Variants in GFM2 observed in about 807,000 individuals in gnomAD.
GFM2 encodes the protein GTP dependent ribosome recycling factor mitochondrial 2.
Under a neutral mutation model 95.4 loss-of-function variants are expected in GFM2, and 72 were observed. The observed-to-expected ratio is 0.76, with a 90% CI of 0.62 to 0.92. The LOEUF is 0.92. Among genes scored for constraint, GFM2 ranks in the 40% least tolerant of loss-of-function variants. The pLI is 0.00. For missense variants in GFM2, 825 were observed against 924.1 expected, an observed-to-expected ratio of 0.89 and a Z score of 1.39; for synonymous variants, 276 against 317.5, an observed-to-expected ratio of 0.87 and a Z score of 1.39.
intron 5 of GFM2, among the ~76,000 whole-genome samples, chr5:74,752,231 G>A (rs1743754168): frequency 6.6e-6 from 1 of 152,100 alleles, no homozygotes; most frequent in South Asian, 2.1e-4. Context: ...AAATTATTGT[G>A]CAGTAAAATT....
chr5:74,746,726 T>A (rs1414631566), intron 8 of GFM2, among the ~76,000 whole-genome samples: 1 of 152,164 alleles, frequency 6.6e-6, no homozygotes, highest in African/African-American at 2.4e-5. Context: ...CCCATTGTTT[T>A]TCAGAACCAG....
intron 5 of GFM2, among the ~76,000 whole-genome samples, chr5:74,754,997 G>A (rs1051886035): frequency 1.3e-5 from 2 of 152,160 alleles, no homozygotes; most frequent in African/African-American, 4.8e-5. Context: ...TTGGGAGGCT[G>A]AGGTAGGGGA....
rs200078752 is a variant in GFM2, at chr5:74,728,759, T to C, written c.1726+1501A>G. Among the ~76,000 whole-genome samples the C allele has an allele frequency of 3.5e-3, 382 of 108,822 alleles. 10 individuals carry two copies. The East Asian group carries it at 0.075, about 21-fold the overall frequency. 71.4% of individuals were successfully genotyped at this position (108,822 alleles called of 152,430 possible). On this transcript the variant is annotated intron_variant, in intron 17 of 20. Coordinates refer to ENST00000296805, the MANE Select transcript of GFM2 (RefSeq NM_032380.5). ...ATGTGTGGGGGTTTCTTTTTTTTTT[T>C]TTTTTTTTTTTTTTTGAGATGGCGT...
At chr5:74,722,183 G>A in intron 20 of GFM2, 196 bp downstream of exon 20, 1 of 583,924 alleles carries the variant, frequency 1.7e-6, no homozygotes, top group Non-Finnish European at 3.0e-6. Context: ...CCCCCTTGTA[G>A]TGCTATAATC....
At chr5:74,722,911 A>T (rs1749980167) in intron 19 of GFM2, among the ~76,000 whole-genome samples, 1 of 152,138 alleles carries the variant, frequency 6.6e-6, no homozygotes, top group Non-Finnish European at 1.5e-5. Flanking sequence ...CACATGCCAG[A>T]GACAGCAATA....
At chr5:74,747,924 T>C in intron 7 of GFM2, 144 bp from the exon 8 acceptor site, 2 of 569,946 alleles carry the variant, frequency 3.5e-6, no homozygotes, top group Non-Finnish European at 6.2e-6. Flanking sequence ...CTTATATTTT[T>C]AGGGTCACTC....
intron 5 of GFM2, 63 bp from the exon 6 acceptor site, chr5:74,751,556 T>C (rs887295349): frequency 1.6e-6 from 2 of 1,250,938 alleles, no homozygotes; most frequent in Admixed American, 1.8e-5. Context: ...TCGTGCTCAA[T>C]ATCTACCTGA....
At chr5:74,756,394 A>G (rs188162558) in intron 5 of GFM2, among the ~76,000 whole-genome samples, 1 of 152,244 alleles carries the variant, frequency 6.6e-6, no homozygotes, top group East Asian at 1.9e-4. Context: ...GTTGGAGTGG[A>G]TGTGGAGTGG....
At chr5:74,765,909 G>A (rs1007453272) in intron 1 of GFM2, among the ~76,000 whole-genome samples, 1 of 152,192 alleles carries the variant, frequency 6.6e-6, no homozygotes, top group Admixed American at 6.5e-5. Flanking sequence ...TGAACCTGGA[G>A]AATCGCTTGA....
intron 5 of GFM2, 100 bp from the exon 6 acceptor site, chr5:74,751,593 T>A (rs1580007567): frequency 1.2e-6 from 1 of 805,992 alleles, no homozygotes; most frequent in African/African-American, 1.8e-5. Context: ...TTAAGAAAAA[T>A]CTTTCCTAAA....
At chr5:74,745,655 T>C (rs754219337) in intron 10 of GFM2, 23 bp downstream of exon 10, 2 of 1,576,478 alleles carry the variant, frequency 1.3e-6, no homozygotes, top group South Asian at 2.3e-5. Context: ...TTGGTGTTCA[T>C]TTTATCATTC....
In GFM2 at chr5:74,726,191, C is replaced by T. The variant is rs1750139959; in HGVS notation, c.1727-65G>A. 2.5e-6 allele frequency: 3 copies of T among 1,205,514 alleles called. No homozygotes were observed. The South Asian group carries it at 4.4e-5, about 18-fold the overall frequency. The allele number at this position is 1,205,514 out of a possible 1,614,324, so 74.7% of individuals were successfully genotyped here. On this transcript the variant is annotated intron_variant, in intron 17 of 20. Coordinates refer to ENST00000296805, the MANE Select transcript of GFM2 (RefSeq NM_032380.5). ...TGGAAAGGTATCAAGGTACTATAAA[C>T]AGCAAAATTATCATCAACAAGCTCA...
intron 8 of GFM2, among the ~76,000 whole-genome samples, chr5:74,746,650 C>A (rs181307332): frequency 2.0e-5 from 3 of 152,304 alleles, no homozygotes; most frequent in Admixed American, 2.0e-4. Flanking sequence ...AACACTGCAG[C>A]TGGCTACCTA....
At chr5:74,751,838 G>A (rs1036481900) in intron 5 of GFM2, among the ~76,000 whole-genome samples, 3 of 152,080 alleles carry the variant, frequency 2.0e-5, no homozygotes, top group Non-Finnish European at 4.4e-5. Flanking sequence ...ATAGGAGGCC[G>A]AGTGGTACAG....
At position 74,763,703 on chromosome 5, in the gene GFM2, T is replaced by C; in HGVS notation, c.40A>G (p.Thr14Ala). The change falls in exon 2 of 21, where the codon ACA becomes GCA. Residue 14 changes from threonine (T) to alanine (A), a missense_variant. Physicochemically the swap from Thr to Ala is moderately conservative, Grantham distance 58 (BLOSUM62 0). Transcript: ENST00000296805. ...ACATTAATATACACACTGGGTATTG[T>C]CTGATGACTCATTGCAAATATCCTC... The part of the protein sequence containing the change: ...NLRIFAMSHQ[T>A]IPSVYINNIC... 6.3e-7 allele frequency: 1 copy of C among 1,597,822 alleles called. No homozygotes were observed. Among genetic ancestry groups the C allele is most frequent in the Non-Finnish European group, 8.6e-7 (1 of 1,165,736 alleles).
Position 74,730,376 on chromosome 5 carries a change from T to C in GFM2, c.1610A>G (p.Glu537Gly). Reference protein sequence around the residue: ...SGQTVLCGMGELHIEIIHDRI... With the variant: ...SGQTVLCGMGGLHIEIIHDRI... ...ATCATGAATAATCTCTATATGTAAC[T>C]CCCCCATACCACACAGAACAGTCTG... Residue 537 changes from glutamate to glycine, a missense_variant, in exon 17 of 21, where the codon GAG becomes GGG. Glu to Gly is a moderately conservative substitution (Grantham distance 98). Coordinates refer to ENST00000296805, the MANE Select transcript of GFM2 (RefSeq NM_032380.5). 1 of 1,608,292 alleles carries C rather than the reference T, an allele frequency of 6.2e-7. No individual in the cohort carries two copies. The highest frequency in any genetic ancestry group is 1.3e-5 in the African/African-American group (1 of 74,802).
At chr5:74,767,117 CTCCACACT>C (rs1446803491), upstream of GFM2, 2 of 506,662 alleles carry the variant, frequency 3.9e-6, no homozygotes, top group Admixed American at 6.6e-5. Flanking sequence ...GCAGCCACAC[CTCCACACT>C]TCCGGCGGTG....
chr5:74,748,332 T>C (rs2112308051), intron 7 of GFM2, among the ~76,000 whole-genome samples: 1 of 152,332 alleles, frequency 6.6e-6, no homozygotes, highest in East Asian at 1.9e-4. Context: ...TGCGTTTTGA[T>C]AAAAGTACGT....
intron 2 of GFM2, among the ~76,000 whole-genome samples, chr5:74,763,169 C>T (rs1744369616): frequency 6.6e-6 from 1 of 152,194 alleles, no homozygotes; most frequent in African/African-American, 2.4e-5. Flanking sequence ...GAGCTAAAGA[C>T]TAAAACAATG....
Sources: gnomAD v4.1 joint callset for allele counts (sites outside exome capture counted in the v4.1 genomes callset) on GRCh38, gnomAD v4.1.1 for gene constraint, MANE v1.5 for transcripts, NCBI Gene and HGNC (gene_info 2026-07-23, HGNC 2026-07-21) for gene names.